The following RORB variants were observed in gnomAD, a reference collection of about 807,000 sequenced individuals.
The protein encoded by RORB is nuclear receptor ROR-beta.
RORB carries 6 observed loss-of-function variants against 59.1 expected under a neutral mutation model. The observed-to-expected ratio is 0.10, with a 90% CI of 0.06 to 0.20. The LOEUF is 0.20. Ranked by LOEUF, RORB falls within the 10% of genes least tolerant of loss-of-function variation. The probability of loss-of-function intolerance (pLI) is 1.00; values close to 1 mark genes in which losing one functional copy is unlikely to be tolerated. For synonymous variants in RORB, 215 were observed against 204.5 expected, an observed-to-expected ratio of 1.05 and a Z score of -0.44; for missense variants, 320 against 560.5, an observed-to-expected ratio of 0.57 and a Z score of 4.33.
At chr9:74,622,305 T>A (rs1048475938) in intron 1 of RORB, among the ~76,000 whole-genome samples, 7 of 152,156 alleles carry the variant, frequency 4.6e-5, no homozygotes, top group Admixed American at 1.3e-4. Flanking sequence ...ATAATTCTGT[T>A]TCTTCTTTTC....
intron 1 of RORB, among the ~76,000 whole-genome samples, chr9:74,572,538 G>T (rs1271098725): frequency 6.6e-6 from 1 of 152,116 alleles, no homozygotes; most frequent in Admixed American, 6.6e-5. Flanking sequence ...AATTGATGAG[G>T]TGATGTTATC....
intron 5 of RORB, among the ~76,000 whole-genome samples, chr9:74,662,235 G>A (rs372449866): frequency 3.3e-5 from 5 of 152,146 alleles, no homozygotes; most frequent in African/African-American, 1.2e-4. Context: ...TATAAACAAT[G>A]TTGCTATTAT....
chr9:74,620,523 G>GT lies in RORB; in HGVS notation c.8-9752dup, dbSNP rs540682101. ...CTGGATTCACTGATTTTTTTGAAGG[G>GT]TTTTTTTGTGTCTCTATTTCCTTCA... On this transcript the variant is annotated intron_variant, in intron 1 of 9. Transcript: ENST00000376896. 7.9e-3 allele frequency among the ~76,000 whole-genome samples: 1,197 copies of GT among 152,032 alleles called. 9 individuals are homozygous for GT. The highest frequency in any genetic ancestry group is 0.013 in the Non-Finnish European group (871 of 67,976).
chr9:74,611,888 G>C (rs1453217969), intron 1 of RORB, among the ~76,000 whole-genome samples: 2 of 152,096 alleles, frequency 1.3e-5, no homozygotes, highest in Non-Finnish European at 2.9e-5. Flanking sequence ...GACCTCAGGT[G>C]ATCCACCCAC....
In RORB at chr9:74,674,094, C is replaced by T. The variant is rs529653192; in HGVS notation, c.1224+2193C>T. Reference sequence around the variant, plus strand: ...CCCCGTTAGCTCCTGACTGCTTTAACACTCCGGACAAATGTGCCATCACTG... The same window carrying T: ...CCCCGTTAGCTCCTGACTGCTTTAATACTCCGGACAAATGTGCCATCACTG... On this transcript the variant is annotated intron_variant, in intron 9 of 9. Coordinates refer to ENST00000376896, the MANE Select transcript of RORB (RefSeq NM_006914.4). Among the ~76,000 whole-genome samples the T allele has an allele frequency of 1.4e-3, 219 of 152,278 alleles. 1 individual carries two copies. The highest frequency in any genetic ancestry group is 4.9e-3 in the African/African-American group (202 of 41,566).
chr9:74,576,772 G>T (rs746613850), intron 1 of RORB, among the ~76,000 whole-genome samples: 7 of 152,026 alleles, frequency 4.6e-5, no homozygotes, highest in South Asian at 2.1e-4. Context: ...CTTTTTTAAA[G>T]AACATTCTTA....
chr9:74,531,465 T>A (rs556665080), intron 1 of RORB, among the ~76,000 whole-genome samples: 6 of 151,986 alleles, frequency 3.9e-5, no homozygotes, highest in Non-Finnish European at 7.4e-5. Flanking sequence ...CCCTCCTGAA[T>A]GAATGGCATT....
intron 1 of RORB, among the ~76,000 whole-genome samples, chr9:74,623,176 C>T (rs1046053231): frequency 1.3e-5 from 2 of 152,092 alleles, no homozygotes; most frequent in African/African-American, 4.8e-5. Context: ...TGGTTTTTAA[C>T]TGTTTCAAGA....
intron 9 of RORB, among the ~76,000 whole-genome samples, chr9:74,676,152 A>G (rs1824437959): frequency 6.6e-6 from 1 of 152,130 alleles, no homozygotes; most frequent in African/African-American, 2.4e-5. Flanking sequence ...CCCATTCCCA[A>G]ATGCAGCCTA....
chr9:74,507,251 T>C (rs1042464687), intron 1 of RORB, among the ~76,000 whole-genome samples: 2 of 152,128 alleles, frequency 1.3e-5, no homozygotes, highest in Non-Finnish European at 2.9e-5. Flanking sequence ...TGTTTTTCTC[T>C]AGCTTTTATG....
At chr9:74,626,341 CATA>C (rs1218199203) in intron 1 of RORB, among the ~76,000 whole-genome samples, 1 of 152,008 alleles carries the variant, frequency 6.6e-6, no homozygotes, top group South Asian at 2.1e-4. Flanking sequence ...TTGACACTGT[CATA>C]ATATTGTTTC....
intron 8 of RORB, among the ~76,000 whole-genome samples, chr9:74,670,501 G>GA (rs1165467140): frequency 9.2e-5 from 14 of 151,704 alleles, no homozygotes; most frequent in African/African-American, 2.2e-4. Context: ...CCTTTTTCTA[G>GA]AAAAAAAACA....
intron 1 of RORB, among the ~76,000 whole-genome samples, chr9:74,588,075 CA>C (rs895800757): frequency 6.6e-6 from 1 of 152,042 alleles, no homozygotes; most frequent in South Asian, 2.1e-4. Flanking sequence ...TTTTTTTAAA[CA>C]GTAAGTTTTC....
At chr9:74,681,819 GTACA>G (rs1240054810) in intron 9 of RORB, among the ~76,000 whole-genome samples, 1 of 152,158 alleles carries the variant, frequency 6.6e-6, no homozygotes, top group Non-Finnish European at 1.5e-5. Flanking sequence ...AAGAATTGTT[GTACA>G]TATGATTCTA....
intron 5 of RORB, among the ~76,000 whole-genome samples, chr9:74,661,320 T>C (rs543507042): frequency 6.6e-6 from 1 of 152,330 alleles, no homozygotes; most frequent in South Asian, 2.1e-4. Context: ...TACTTTGGGA[T>C]AGAGATCCCC....
chr9:74,683,681 T>G (rs1316390626), intron 9 of RORB, among the ~76,000 whole-genome samples: 1 of 152,174 alleles, frequency 6.6e-6, no homozygotes, highest in Non-Finnish European at 1.5e-5. Context: ...AGAGCTCAGC[T>G]TCAATGTCAC....
intron 1 of RORB, among the ~76,000 whole-genome samples, chr9:74,539,608 G>C (rs2118128852): frequency 6.6e-6 from 1 of 152,102 alleles, no homozygotes; most frequent in African/African-American, 2.4e-5. Flanking sequence ...AGAGCGTTTT[G>C]TTCATTTGTA....
chr9:74,505,063 A>T (rs975422681), intron 1 of RORB, among the ~76,000 whole-genome samples: 3 of 152,122 alleles, frequency 2.0e-5, no homozygotes, highest in Non-Finnish European at 4.4e-5. Context: ...TTATCCTTAA[A>T]AAAGAAACAG....
chr9:74,552,159 G>T (rs886165311), intron 1 of RORB, among the ~76,000 whole-genome samples: 2 of 152,180 alleles, frequency 1.3e-5, no homozygotes, highest in South Asian at 4.1e-4. Flanking sequence ...TTTGGGGTCA[G>T]AAAAGGGAGA....
Sources: gnomAD v4.1 joint callset for allele counts (sites outside exome capture counted in the v4.1 genomes callset) on GRCh38, gnomAD v4.1.1 for gene constraint, MANE v1.5 for transcripts, NCBI Gene and HGNC (gene_info 2026-07-23, HGNC 2026-07-21) for gene names.